Variants in DNM1L observed in about 807,000 individuals in gnomAD.
DNM1L encodes the protein dynamin-1-like protein.
DNM1L carries 33 observed loss-of-function variants against 92.8 expected under a neutral mutation model. That is an observed-to-expected ratio of 0.36 (90% confidence interval 0.27 to 0.48). The LOEUF (loss-of-function observed/expected upper bound fraction) is 0.48, where lower values mean the gene tolerates loss of function less well. Among genes scored for constraint, DNM1L ranks in the 20% least tolerant of loss-of-function variants. DNM1L has a pLI of 0.99. For missense variants in DNM1L, 485 were observed against 888.8 expected, an observed-to-expected ratio of 0.55 and a Z score of 5.78; for synonymous variants, 284 against 305.0, an observed-to-expected ratio of 0.93 and a Z score of 0.72.
In DNM1L at chr12:32,737,925, G is replaced by A; in HGVS notation, c.1657G>A (p.Ala553Thr). Residue 553 changes from alanine to threonine, a missense_variant, in exon 15 of 20, where the codon GCT (alanine) becomes ACT (threonine). Physicochemically the swap from Ala to Thr is moderately conservative, Grantham distance 58 (BLOSUM62 0). Transcript: ENST00000549701. ...CCAGGAGCCCTCCCCCGCTGCTTCT[G>A]CTGAGGCTGATGGCAAGGTCTGTTC... is the stretch of plus-strand genomic sequence containing the variant. ...ASQEPSPAAS[A>T]EADGKLIQDS... The A allele has an allele frequency of 6.2e-7, 1 of 1,613,888 alleles. No homozygotes were observed. The highest frequency in any genetic ancestry group is 8.5e-7 in the Non-Finnish European group (1 of 1,179,974).
Position 32,704,904 on chromosome 12 carries a change from A to T in DNM1L, c.251-2463A>T, listed in dbSNP as rs948435326. ...TACTTGCATATACTTACCAACTTTT[A>T]AGGTTTTGAAAGATGTATTTAGTAT... On this transcript the variant is annotated intron_variant, in intron 2 of 19. Transcript: ENST00000549701. Among the ~76,000 whole-genome samples, 175 of 152,188 alleles carry T rather than the reference A, an allele frequency of 1.1e-3. 1 individual carries two copies. Among genetic ancestry groups the T allele is most frequent in the African/African-American group, 4.0e-3 (166 of 41,540 alleles).
chr12:32,709,910 T>C (rs1175184916), intron 4 of DNM1L, among the ~76,000 whole-genome samples: 2 of 152,140 alleles, frequency 1.3e-5, no homozygotes, highest in Non-Finnish European at 2.9e-5. Context: ...TATAATTGTA[T>C]AGGGAATGTG....
At chr12:32,717,229 TTA>T (rs1290440626) in intron 6 of DNM1L, among the ~76,000 whole-genome samples, 3 of 106,544 alleles carry the variant, frequency 2.8e-5, no homozygotes, top group African/African-American at 1.2e-4. Flanking sequence ...ATAGTATATA[TTA>T]TATATATTTT....
In DNM1L at chr12:32,722,624, C is replaced by T; in HGVS notation, c.1070C>T (p.Thr357Ile). ...GAAGGAACTGCAAAATATATTGAAA[C>T]TTCGGAGCTGTAAGTAAGAAATTTT... is the stretch of plus-strand genomic sequence containing the variant. ...TIEGTAKYIE[T>I]SELCGGARIC... The change falls in exon 9 of 20, where the codon ACT (threonine) becomes ATT (isoleucine). Residue 357 changes from threonine (T) to isoleucine (I), a missense_variant. Thr to Ile is a moderately conservative substitution (Grantham distance 89). Transcript: ENST00000549701. 6.2e-7 allele frequency: 1 copy of T among 1,611,844 alleles called. No individual in the cohort carries two copies. Among genetic ancestry groups the T allele is most frequent in the South Asian group, 1.1e-5 (1 of 90,990 alleles).
At chr12:32,740,306 CAGAA>C (rs1322838200) in intron 17 of DNM1L, 66 bp downstream of exon 17, 40 of 1,611,708 alleles carry the variant, frequency 2.5e-5, no homozygotes, top group South Asian at 7.7e-5. Context: ...AACGATTAGA[CAGAA>C]AGAACTAAAA....
intron 9 of DNM1L, among the ~76,000 whole-genome samples, chr12:32,723,710 A>C (rs1002259509): frequency 1.6e-4 from 25 of 151,916 alleles, no homozygotes; most frequent in Middle Eastern, 3.4e-3. Context: ...AAAAAAAAAA[A>C]AAAACAGGGA....
chr12:32,739,995 A>G (rs541459131), intron 16 of DNM1L, 69 bp from the exon 17 acceptor site: 3 of 1,602,382 alleles, frequency 1.9e-6, no homozygotes, highest in East Asian at 2.2e-5. Context: ...ACTGTCAAAT[A>G]AAATGAACTT....
At chr12:32,724,603 T>A (rs865821402) in intron 9 of DNM1L, among the ~76,000 whole-genome samples, 183 of 138,110 alleles carry the variant, frequency 1.3e-3, no homozygotes, top group Non-Finnish European at 1.8e-3. Context: ...AATATATATA[T>A]ATATATATAT....
chr12:32,704,475 G>A (rs1952841211), intron 2 of DNM1L, among the ~76,000 whole-genome samples: 1 of 151,476 alleles, frequency 6.6e-6, no homozygotes, highest in Non-Finnish European at 1.5e-5. Context: ...GCTTGAACCC[G>A]GGAGGCGGAG....
intron 1 of DNM1L, among the ~76,000 whole-genome samples, chr12:32,685,733 CT>C (rs149876175): frequency 7.3e-5 from 11 of 149,682 alleles, no homozygotes; most frequent in African/African-American, 1.2e-4. Flanking sequence ...TTGTTGTTAT[CT>C]TTTTTTTTTA....
intron 1 of DNM1L, among the ~76,000 whole-genome samples, chr12:32,685,273 C>CT (rs1951961743): frequency 6.6e-6 from 1 of 151,384 alleles, no homozygotes; most frequent in Non-Finnish European, 1.5e-5. Context: ...GGGTATATAT[C>CT]TAAGCGTAGA....
chr12:32,705,008 T>G (rs1416299575), intron 2 of DNM1L, among the ~76,000 whole-genome samples: 1 of 150,270 alleles, frequency 6.7e-6, no homozygotes, highest in East Asian at 1.9e-4. Flanking sequence ...AAGTTTTTTT[T>G]TTTTTTTTTT....
intron 12 of DNM1L, among the ~76,000 whole-genome samples, chr12:32,733,003 G>A (rs1474797890): frequency 6.6e-6 from 1 of 152,216 alleles, no homozygotes; most frequent in Non-Finnish European, 1.5e-5. Flanking sequence ...GGCTGAGGCA[G>A]GCAGGAGAAT....
At chr12:32,705,911 C>G in intron 2 of DNM1L, 1 of 1,538,960 alleles carries the variant, frequency 6.5e-7, no homozygotes, top group Non-Finnish European at 8.9e-7. Flanking sequence ...CTTATGCCTG[C>G]ATGTGTGCTT....
chr12:32,744,751 A>G lies in DNM1L; in HGVS notation c.*1341A>G, dbSNP rs758708355. 13 of 404,256 alleles carry G rather than the reference A, an allele frequency of 3.2e-5. 1 individual carries two copies. The highest frequency in any genetic ancestry group is 2.2e-4 in the South Asian group (12 of 54,376). The allele number at this position is 404,256 out of a possible 1,614,324, so 25.0% of individuals were successfully genotyped here. ...TAAAACAACACCCAGATAGATACAC[A>G]TACTCCTTCAGACTTACAGACCTAA... is the stretch of plus-strand genomic sequence containing the variant. On this transcript the variant is annotated 3_prime_UTR_variant, in exon 20 of 20. Transcript: ENST00000549701.
chr12:32,744,533 G>C lies in DNM1L; in HGVS notation c.*1123G>C. On this transcript the variant is annotated 3_prime_UTR_variant, in exon 20 of 20. Transcript: ENST00000549701. ...GTTGGAGACCAGCTTGACCAACATGGAGAAACCCCGTCTCTACTAAAAATA... is the reference window on the plus strand; with the variant it reads ...GTTGGAGACCAGCTTGACCAACATGCAGAAACCCCGTCTCTACTAAAAATA... 1 of 190,020 alleles carries C rather than the reference G, an allele frequency of 5.3e-6. No individual in the cohort carries two copies. Among genetic ancestry groups the C allele is most frequent in the Middle Eastern group, 2.1e-3 (1 of 482 alleles). The allele number at this position is 190,020 out of a possible 1,614,324, so 11.8% of individuals were successfully genotyped here.
Position 32,737,906 on chromosome 12 carries a change from G to A in DNM1L, c.1638G>A (p.Glu546=), listed in dbSNP as rs777005596. 2 of 1,613,986 alleles carry A rather than the reference G, an allele frequency of 1.2e-6. No individual in the cohort carries two copies. The change falls in exon 15 of 20, where the codon GAG becomes GAA. Residue 546 remains glutamate, a synonymous_variant. Coordinates refer to ENST00000549701, the MANE Select transcript of DNM1L (RefSeq NM_012062.5). Reference sequence around the variant, plus strand: ...GTGCTTTGGCACCTGCCTCCCAGGAGCCCTCCCCCGCTGCTTCTGCTGAGG... The same window carrying A: ...GTGCTTTGGCACCTGCCTCCCAGGAACCCTCCCCCGCTGCTTCTGCTGAGG... ...VPSALAPASQ[E]PSPAASAEAD...
At chr12:32,700,925 C>G (rs1952674099) in intron 1 of DNM1L, among the ~76,000 whole-genome samples, 1 of 152,080 alleles carries the variant, frequency 6.6e-6, no homozygotes, top group African/African-American at 2.4e-5. Flanking sequence ...CTGTTATTTT[C>G]TGGTTTTGGC....
chr12:32,699,622 C>A (rs539901195), intron 1 of DNM1L, among the ~76,000 whole-genome samples: 131 of 151,856 alleles, frequency 8.6e-4, no homozygotes, highest in Non-Finnish European at 1.3e-3. Flanking sequence ...ATGGTGAAAC[C>A]CTGTCTCTAC....
Sources: allele counts gnomAD v4.1 joint callset (sites outside exome capture counted in the v4.1 genomes callset), GRCh38; gene constraint gnomAD v4.1.1; transcripts MANE v1.5; gene names NCBI Gene and HGNC (gene_info 2026-07-23, HGNC 2026-07-21).